The following BANK1 variants were observed in gnomAD, a reference collection of about 807,000 sequenced individuals.
BANK1 encodes B cell scaffold protein with ankyrin repeats 1.
Under a neutral mutation model 94.5 loss-of-function variants are expected in BANK1, and 95 were observed. The observed-to-expected ratio is 1.00, with a 90% CI of 0.85 to 1.19. BANK1 has a LOEUF of 1.19. Among genes scored for constraint, BANK1 ranks in the 50% most tolerant of loss-of-function variants. The pLI, the probability that BANK1 is intolerant of heterozygous loss-of-function variation, is 0.00. For missense variants in BANK1, 987 were observed against 932.2 expected (o/e 1.06, Z -0.77); for synonymous variants, 334 against 308.4 (o/e 1.08, Z -0.87).
intron 10 of BANK1, 33 bp downstream of exon 10, chr4:102,030,298 T>C: frequency 2.0e-6 from 3 of 1,507,196 alleles, no homozygotes; most frequent in Non-Finnish European, 2.7e-6. Flanking sequence ...TACTTGTTAA[T>C]TTTTTTTGTC....
At chr4:101,970,051 AT>A (rs899272087) in intron 7 of BANK1, among the ~76,000 whole-genome samples, 1 of 152,066 alleles carries the variant, frequency 6.6e-6, no homozygotes, top group African/African-American at 2.4e-5. Context: ...GTTTTAAAGG[AT>A]TTTACCAGCT....
chr4:102,053,460 AGATAAT>A (rs1476467745), intron 11 of BANK1, among the ~76,000 whole-genome samples: 1 of 152,136 alleles, frequency 6.6e-6, no homozygotes, highest in Non-Finnish European at 1.5e-5. Context: ...CAGAAACTTG[AGATAAT>A]GGACTACCAA....
At chr4:102,026,822 C>CA (rs74429394) in intron 9 of BANK1, among the ~76,000 whole-genome samples, 5,468 of 58,880 alleles carry the variant, frequency 0.093, 335 homozygotes, top group African/African-American at 0.22. Context: ...GACTCCATCT[C>CA]AAAAAAAAAA....
At chr4:101,936,521 T>A (rs114565575) in intron 7 of BANK1, among the ~76,000 whole-genome samples, 1 of 150,506 alleles carries the variant, frequency 6.6e-6, no homozygotes, top group African/African-American at 2.4e-5. Flanking sequence ...ACATGTATAC[T>A]AGACATATAA....
chr4:102,027,005 A>G (rs1179412092), intron 9 of BANK1, among the ~76,000 whole-genome samples: 1 of 152,072 alleles, frequency 6.6e-6, no homozygotes. Flanking sequence ...CATTCAACAG[A>G]TATTTATTAC....
At chr4:101,924,951 T>A (rs1723107589) in intron 7 of BANK1, among the ~76,000 whole-genome samples, 1 of 151,754 alleles carries the variant, frequency 6.6e-6, no homozygotes, top group South Asian at 2.1e-4. Flanking sequence ...ATAACTTCCC[T>A]CAATTGAATA....
chr4:101,809,378 C>A (rs936041710), intron 1 of BANK1, among the ~76,000 whole-genome samples: 1 of 152,064 alleles, frequency 6.6e-6, no homozygotes, highest in Non-Finnish European at 1.5e-5. Context: ...GGATAAAAGA[C>A]TACATATTAG....
At chr4:101,823,481 C>A (rs1726251106) in intron 1 of BANK1, among the ~76,000 whole-genome samples, 1 of 152,152 alleles carries the variant, frequency 6.6e-6, no homozygotes, top group Admixed American at 6.5e-5. Flanking sequence ...TCCTATTGGC[C>A]ATGCGTGTGA....
intron 9 of BANK1, among the ~76,000 whole-genome samples, chr4:102,027,772 T>G (rs1388846529): frequency 5.3e-5 from 8 of 152,046 alleles, no homozygotes; most frequent in African/African-American, 1.9e-4. Flanking sequence ...TATAATACTA[T>G]AGAGCACTTT....
chr4:101,844,399 T>C (rs1349802056), intron 2 of BANK1, among the ~76,000 whole-genome samples: 3 of 152,132 alleles, frequency 2.0e-5, no homozygotes, highest in East Asian at 1.9e-4. Flanking sequence ...GGTGAGAAGA[T>C]TGGAAAGACT....
Position 101,977,664 on chromosome 4 carries a change from T to C in BANK1, c.1207-43850T>C, listed in dbSNP as rs73834532. The stretch of plus-strand genomic sequence containing the variant: ...TAATTTCTTTCTTTCATGTATTTTC[T>C]GACCTTATATCAATAAGATTACATG... On this transcript the variant is annotated intron_variant, in intron 7 of 16. Transcript: ENST00000322953. Among the ~76,000 whole-genome samples, 290 of 152,280 alleles carry C rather than the reference T, an allele frequency of 1.9e-3. 1 individual carries two copies. Among genetic ancestry groups the C allele is most frequent in the African/African-American group, 6.5e-3 (269 of 41,570 alleles).
At chr4:101,873,281 G>A (rs554099504) in intron 5 of BANK1, among the ~76,000 whole-genome samples, 1 of 152,284 alleles carries the variant, frequency 6.6e-6, no homozygotes, top group South Asian at 2.1e-4. Context: ...TAGCTGAAAT[G>A]TTATATTGTA....
chr4:101,967,193 T>C (rs181820765), intron 7 of BANK1, among the ~76,000 whole-genome samples: 1 of 152,234 alleles, frequency 6.6e-6, no homozygotes. Context: ...TGTGTGACAC[T>C]GTTTTGTCTT....
At chr4:101,954,432 A>G (rs1724270819) in intron 7 of BANK1, among the ~76,000 whole-genome samples, 2 of 152,162 alleles carry the variant, frequency 1.3e-5, no homozygotes, top group South Asian at 4.1e-4. Context: ...TGCTCTTCAC[A>G]TTTAGCAAGA....
chr4:102,046,985 C>T (rs766658818), intron 11 of BANK1, among the ~76,000 whole-genome samples: 37 of 152,096 alleles, frequency 2.4e-4, no homozygotes, highest in Non-Finnish European at 2.8e-4. Flanking sequence ...AAAATGGTGC[C>T]GGTAAATTGT....
chr4:102,002,394 A>C (rs528653257), intron 7 of BANK1, among the ~76,000 whole-genome samples: 35 of 152,314 alleles, frequency 2.3e-4, no homozygotes, highest in Non-Finnish European at 3.8e-4. Flanking sequence ...AATAGTACCA[A>C]AGAAAGTGTG....
chr4:102,026,822 CAAAA>C (rs74429394), intron 9 of BANK1, among the ~76,000 whole-genome samples: 6 of 59,762 alleles, frequency 1.0e-4, no homozygotes, highest in Non-Finnish European at 1.4e-4. Context: ...GACTCCATCT[CAAAA>C]AAAAAAAAAA....
At chr4:101,853,703 G>C (rs1224838881) in intron 2 of BANK1, among the ~76,000 whole-genome samples, 1 of 152,148 alleles carries the variant, frequency 6.6e-6, no homozygotes, top group African/African-American at 2.4e-5. Flanking sequence ...CTACTTGGAA[G>C]TAACGGACCA....
intron 7 of BANK1, among the ~76,000 whole-genome samples, chr4:101,919,809 C>T (rs115740555): frequency 0.026 from 3,919 of 151,984 alleles, 180 homozygotes; most frequent in African/African-American, 0.091. Flanking sequence ...GTAGCTGTTG[C>T]AAGTGCCAAC....
Sources: gnomAD v4.1 joint callset for allele counts (sites outside exome capture counted in the v4.1 genomes callset) on GRCh38, gnomAD v4.1.1 for gene constraint, MANE v1.5 for transcripts, NCBI Gene and HGNC (gene_info 2026-07-23, HGNC 2026-07-21) for gene names.